Variants in RAB38 observed in about 807,000 individuals in gnomAD.
RAB38 encodes ras-related protein Rab-38.
RAB38 carries 15 observed loss-of-function variants against 18.4 expected under a neutral mutation model. The observed-to-expected ratio is 0.82, with a 90% confidence interval of 0.55 to 1.26. The LOEUF is 1.26. RAB38 is among the 50% of genes most tolerant of loss of function. The pLI, the probability that RAB38 is intolerant of heterozygous loss-of-function variation, is 0.00. For missense variants in RAB38, 294 were observed against 267.4 expected, an observed-to-expected ratio of 1.10 and a Z score of -0.69; for synonymous variants, 101 against 104.4, an observed-to-expected ratio of 0.97 and a Z score of 0.20.
chr11:88,033,667 G>A, the RAB38 span, among the ~76,000 whole-genome samples: 1 of 149,928 alleles, frequency 6.7e-6, no homozygotes, highest in Non-Finnish European at 1.5e-5. Context: ...TGTTAAGTTT[G>A]TGTATCCATC....
At chr11:88,157,497 A>G (rs1943140457) in intron 1 of RAB38, among the ~76,000 whole-genome samples, 1 of 152,216 alleles carries the variant, frequency 6.6e-6, no homozygotes, top group Non-Finnish European at 1.5e-5. Context: ...GATTGGACCT[A>G]ACAGACATCT....
intron 2 of RAB38, among the ~76,000 whole-genome samples, chr11:88,117,078 A>C (rs539718710): frequency 6.6e-6 from 1 of 152,338 alleles, no homozygotes; most frequent in Non-Finnish European, 1.5e-5. Context: ...TATTAGGCCT[A>C]GGAGAGCGGA....
chr11:87,907,577 T>C, the RAB38 span, among the ~76,000 whole-genome samples: 4 of 151,728 alleles, frequency 2.6e-5, no homozygotes. Context: ...TTTTACTTTT[T>C]CTGTTCTTTC....
At chr11:88,044,089 G>A in the RAB38 span, among the ~76,000 whole-genome samples, 10 of 152,132 alleles carry the variant, frequency 6.6e-5, no homozygotes, top group African/African-American at 2.4e-4. Context: ...AGAGACAAAG[G>A]AGAGGCATTT....
At chr11:88,033,164 G>C in the RAB38 span, among the ~76,000 whole-genome samples, 2 of 152,162 alleles carry the variant, frequency 1.3e-5, no homozygotes, top group South Asian at 4.2e-4. Context: ...ACTCATAGGT[G>C]GGAACTGAAC....
chr11:87,822,099 G>T, the RAB38 span, among the ~76,000 whole-genome samples: 1 of 150,076 alleles, frequency 6.7e-6, no homozygotes, highest in Non-Finnish European at 1.5e-5. Context: ...TTAAAACAGG[G>T]ACTAAAATAA....
the RAB38 span, among the ~76,000 whole-genome samples, chr11:87,921,167 T>A: frequency 6.6e-6 from 1 of 152,102 alleles, no homozygotes; most frequent in East Asian, 1.9e-4. Context: ...AGACAGTTTC[T>A]GACTTATGAT....
chr11:88,071,704 A>G, the RAB38 span, among the ~76,000 whole-genome samples: 1 of 152,242 alleles, frequency 6.6e-6, no homozygotes, highest in Non-Finnish European at 1.5e-5. Flanking sequence ...GTAATAAACA[A>G]TAGCAATTGA....
the RAB38 span, among the ~76,000 whole-genome samples, chr11:87,963,936 G>A: frequency 6.6e-6 from 1 of 152,030 alleles, no homozygotes. Context: ...GTGAGCCACC[G>A]CTCACTAAAG....
the RAB38 span, among the ~76,000 whole-genome samples, chr11:88,012,681 C>G: frequency 6.6e-6 from 1 of 151,972 alleles, no homozygotes; most frequent in African/African-American, 2.4e-5. Context: ...GGTAGGACAG[C>G]AATAAGCCTC....
the RAB38 span, among the ~76,000 whole-genome samples, chr11:88,026,209 T>C: frequency 1.3e-5 from 2 of 151,824 alleles, no homozygotes; most frequent in Admixed American, 6.6e-5. Flanking sequence ...ATTAAAGATA[T>C]GGAAAATAGA....
intron 2 of RAB38, among the ~76,000 whole-genome samples, chr11:88,126,529 C>T (rs569465157): frequency 5.9e-4 from 89 of 152,114 alleles, no homozygotes; most frequent in African/African-American, 2.1e-3. Flanking sequence ...GGAAGGGGAA[C>T]ATCACACACT....
chr11:88,099,842 T>C, the RAB38 span, among the ~76,000 whole-genome samples: 11 of 151,766 alleles, frequency 7.2e-5, no homozygotes, highest in Admixed American at 2.6e-4. Flanking sequence ...TTTCAATTTA[T>C]ATTAAAATAA....
At chr11:88,032,077 A>G in the RAB38 span, among the ~76,000 whole-genome samples, 6 of 151,484 alleles carry the variant, frequency 4.0e-5, no homozygotes, top group East Asian at 3.9e-4. Context: ...ATAATGCCGC[A>G]TATCTACAAC....
chr11:88,119,416 C>T (rs1243308550), intron 2 of RAB38, among the ~76,000 whole-genome samples: 1 of 152,080 alleles, frequency 6.6e-6, no homozygotes, highest in Non-Finnish European at 1.5e-5. Context: ...AAATGTACAG[C>T]CAATTTTGAG....
At chr11:88,158,140 T>G (rs748727705) in intron 1 of RAB38, among the ~76,000 whole-genome samples, 1 of 152,114 alleles carries the variant, frequency 6.6e-6, no homozygotes, top group Non-Finnish European at 1.5e-5. Context: ...TATCAGAGAC[T>G]GTTATTAACA....
intron 2 of RAB38, among the ~76,000 whole-genome samples, chr11:88,134,692 C>A (rs1401837736): frequency 6.6e-6 from 1 of 152,214 alleles, no homozygotes; most frequent in South Asian, 2.1e-4. Flanking sequence ...GTACTTCTCA[C>A]AATCTCATTC....
chr11:88,020,814 A>G, the RAB38 span, among the ~76,000 whole-genome samples: 1 of 152,180 alleles, frequency 6.6e-6, no homozygotes. Flanking sequence ...TGATAAAAAC[A>G]TAAGGAAATT....
intron 2 of RAB38, among the ~76,000 whole-genome samples, chr11:88,114,864 T>G (rs969211230): frequency 2.6e-5 from 4 of 152,228 alleles, no homozygotes; most frequent in African/African-American, 9.6e-5. Context: ...TGCATGAGAA[T>G]GATGATCTTT....
Sources: gnomAD v4.1 joint callset for allele counts (sites outside exome capture counted in the v4.1 genomes callset) on GRCh38, gnomAD v4.1.1 for gene constraint, MANE v1.5 for transcripts, NCBI Gene and HGNC (gene_info 2026-07-23, HGNC 2026-07-21) for gene names.